The following CEP128 variants were observed in gnomAD, a reference collection of about 807,000 sequenced individuals.
The protein encoded by CEP128 is centrosomal protein 128, also known as centrosomal protein 128kDa.
Under a neutral mutation model 156.7 loss-of-function variants are expected in CEP128, and 132 were observed. The ratio of observed to expected loss-of-function variants is 0.84; its 90% CI spans 0.73 to 0.97. CEP128 has a LOEUF of 0.97. Among genes scored for constraint, CEP128 ranks in the 50% least tolerant of loss-of-function variants. The pLI, the probability that CEP128 is intolerant of heterozygous loss-of-function variation, is 0.00. For missense variants in CEP128, 1,252 were observed against 1,281.9 expected, an observed-to-expected ratio of 0.98 and a Z score of 0.36; for synonymous variants, 469 against 448.9, an observed-to-expected ratio of 1.04 and a Z score of -0.57.
chr14:80,930,962 TA>T lies in CEP128; in HGVS notation c.-16+8422del, dbSNP rs1385180786. 2.0e-5 allele frequency among the ~76,000 whole-genome samples: 3 copies of T among 152,340 alleles called. No individual in the cohort carries two copies. The East Asian group carries it at 5.8e-4, about 29-fold the overall frequency. On this transcript the variant is annotated intron_variant, in intron 2 of 24. Coordinates refer to ENST00000555265, the MANE Select transcript of CEP128 (RefSeq NM_152446.5). The stretch of plus-strand genomic sequence containing the variant: ...CGTGTTCCTCTTTTGGCTAGCACTA[TA>T]ACTAGATGAATGATGAAATAACAGA...
chr14:80,602,541 G>C (rs1047085454), intron 19 of CEP128, among the ~76,000 whole-genome samples: 2 of 152,178 alleles, frequency 1.3e-5, no homozygotes, highest in Non-Finnish European at 2.9e-5. Flanking sequence ...GGAGGCCAAG[G>C]TAGGTGGATC....
chr14:80,584,877 A>C (rs903303919), intron 19 of CEP128, among the ~76,000 whole-genome samples: 4 of 152,212 alleles, frequency 2.6e-5, no homozygotes, highest in African/African-American at 9.7e-5. Flanking sequence ...TCTTATCAGC[A>C]TGGAAAGAGC....
chr14:80,497,012 A>G lies in CEP128; in HGVS notation c.*467T>C, dbSNP rs937888140. 4.0e-5 allele frequency: 6 copies of G among 149,528 alleles called. No homozygotes were observed. Among genetic ancestry groups the G allele is most frequent in the African/African-American group, 1.5e-4 (6 of 39,902 alleles). The allele number at this position is 149,528 out of a possible 1,614,324, so 9.3% of individuals were successfully genotyped here. ...TTATATATGCACATCTCCACATGTT[A>G]TAACACATGATAATTTATTAGGGAG... On this transcript the variant is annotated 3_prime_UTR_variant, in exon 25 of 25. Transcript: ENST00000555265.
intron 19 of CEP128, among the ~76,000 whole-genome samples, chr14:80,688,211 T>G (rs1401604760): frequency 6.6e-6 from 1 of 152,140 alleles, no homozygotes; most frequent in Non-Finnish European, 1.5e-5. Context: ...TTTATTAATT[T>G]TATTTAAAAT....
intron 19 of CEP128, among the ~76,000 whole-genome samples, chr14:80,697,589 T>C (rs910863742): frequency 2.6e-5 from 4 of 152,146 alleles, no homozygotes; most frequent in African/African-American, 4.8e-5. Flanking sequence ...ATGTACATTT[T>C]GTTTTTAATA....
chr14:80,500,791 C>G (rs2140178608), intron 24 of CEP128, among the ~76,000 whole-genome samples: 1 of 152,172 alleles, frequency 6.6e-6, no homozygotes, highest in East Asian at 1.9e-4. Flanking sequence ...TTCTCCTCAC[C>G]CCATACTCCC....
intron 24 of CEP128, among the ~76,000 whole-genome samples, chr14:80,500,230 A>G (rs145447604): frequency 1.9e-3 from 295 of 152,254 alleles, no homozygotes; most frequent in African/African-American, 6.5e-3. Flanking sequence ...CAATGATTCT[A>G]TGCTTTAGTT....
chr14:80,487,648 T>G (rs1887198708), downstream of CEP128, among the ~76,000 whole-genome samples: 1 of 152,100 alleles, frequency 6.6e-6, no homozygotes, highest in Non-Finnish European at 1.5e-5. Flanking sequence ...TCAGCAAATG[T>G]AAAAGAACAG....
At chr14:80,596,748 T>TAC (rs2140509543) in intron 19 of CEP128, among the ~76,000 whole-genome samples, 1 of 132,110 alleles carries the variant, frequency 7.6e-6, no homozygotes, top group South Asian at 2.5e-4. Flanking sequence ...AGCCCAGGAG[T>TAC]TGGTGGCTAT....
chr14:80,612,965 C>T (rs559199226), intron 19 of CEP128, among the ~76,000 whole-genome samples: 6 of 151,640 alleles, frequency 4.0e-5, no homozygotes, highest in Admixed American at 6.6e-5. Context: ...CTCAGCCTCC[C>T]GAGTAGCTGG....
At chr14:80,852,732 A>C (rs1441082590) in intron 9 of CEP128, among the ~76,000 whole-genome samples, 1 of 151,962 alleles carries the variant, frequency 6.6e-6, no homozygotes, top group Non-Finnish European at 1.5e-5. Context: ...TTCAACAGAC[A>C]TTCAAGAAAT....
intron 19 of CEP128, among the ~76,000 whole-genome samples, chr14:80,689,053 C>G (rs1378097308): frequency 6.6e-6 from 1 of 151,990 alleles, no homozygotes; most frequent in African/African-American, 2.4e-5. Flanking sequence ...ACTGGAGATA[C>G]AATGATGGAT....
intron 19 of CEP128, among the ~76,000 whole-genome samples, chr14:80,649,599 C>A (rs1894808094): frequency 6.6e-6 from 1 of 152,106 alleles, no homozygotes; most frequent in Admixed American, 6.6e-5. Flanking sequence ...GATTCTATTG[C>A]ACCACCTTGG....
rs568673578 is a variant in CEP128 at position 80,905,769 on chromosome 14, C to A, written c.361+186G>T. ...ACAGAGTTTGAGAAAAAAAAAAAAA[C>A]AATATAACAACAAAGACCCTTCAAT... On this transcript the variant is annotated intron_variant, in intron 5 of 24. Transcript: ENST00000555265. 388 of 420,166 alleles carry A rather than the reference C, an allele frequency of 9.2e-4. 2 individuals carry two copies. The South Asian group carries it at 9.6e-3, about 10-fold the overall frequency. 26.0% of individuals were successfully genotyped at this position (420,166 alleles called of 1,614,324 possible).
At chr14:80,547,381 G>A (rs1194430641) in intron 21 of CEP128, among the ~76,000 whole-genome samples, 2 of 152,074 alleles carry the variant, frequency 1.3e-5, no homozygotes, top group Non-Finnish European at 2.9e-5. Context: ...CGTTCTTTAC[G>A]CATATCTTCA....
chr14:80,834,734 T>C (rs1197853418), intron 12 of CEP128, among the ~76,000 whole-genome samples: 2 of 152,194 alleles, frequency 1.3e-5, no homozygotes, highest in Non-Finnish European at 1.5e-5. Context: ...CAACAATTCC[T>C]GTGTGCATCT....
chr14:80,619,707 TAAAA>T (rs200840072), intron 19 of CEP128, among the ~76,000 whole-genome samples: 2 of 99,376 alleles, frequency 2.0e-5, no homozygotes, highest in Non-Finnish European at 2.1e-5. Context: ...TGTCTCAAGT[TAAAA>T]AAAAAAAAAA....
chr14:80,478,703 C>T (rs935019050), intron 14 of CEP128, among the ~76,000 whole-genome samples: 5 of 152,184 alleles, frequency 3.3e-5, no homozygotes, highest in African/African-American at 1.2e-4. Context: ...CTTCCGAATA[C>T]TGTTTGCATA....
chr14:80,581,530 A>G (rs1891592788), intron 19 of CEP128, among the ~76,000 whole-genome samples: 3 of 152,064 alleles, frequency 2.0e-5, no homozygotes, highest in Admixed American at 2.0e-4. Flanking sequence ...GATTGTGATG[A>G]CCCTTTGAGG....
Sources: gnomAD v4.1 joint callset for allele counts (sites outside exome capture counted in the v4.1 genomes callset) on GRCh38, gnomAD v4.1.1 for gene constraint, MANE v1.5 for transcripts, NCBI Gene and HGNC (gene_info 2026-07-23, HGNC 2026-07-21) for gene names.